The following SGMS2 variants were observed in gnomAD, a reference collection of about 807,000 sequenced individuals.
SGMS2 encodes the protein phosphatidylcholine:ceramide cholinephosphotransferase 2.
Under a neutral mutation model 43.8 loss-of-function variants are expected in SGMS2, and 21 were observed. The observed-to-expected ratio is 0.48, with a 90% CI of 0.34 to 0.69. The LOEUF (loss-of-function observed/expected upper bound fraction) is 0.69, where lower values mean the gene tolerates loss of function less well. Among genes scored for constraint, SGMS2 ranks in the 30% least tolerant of loss-of-function variants. The probability of loss-of-function intolerance (pLI) is 0.01; values close to 1 mark genes in which losing one functional copy is unlikely to be tolerated. For missense variants in SGMS2, 384 were observed against 443.2 expected, an observed-to-expected ratio of 0.87 and a Z score of 1.20; for synonymous variants, 167 against 160.6, an observed-to-expected ratio of 1.04 and a Z score of -0.30.
At chr4:107,847,325 T>TACTTATGGCTAGCCAGTTTTCC (rs1352233011) in intron 1 of SGMS2, among the ~76,000 whole-genome samples, 3 of 152,244 alleles carry the variant, frequency 2.0e-5, no homozygotes, top group Non-Finnish European at 4.4e-5. Context: ...TTCAGCTTTC[T>TACTTATGGCTAGCCAGTTTTCC]ACTTATGGCT....
intron 2 of SGMS2, chr4:107,874,002 TTTTCCAAACTCA>T (rs2126064013): frequency 6.6e-6 from 1 of 152,284 alleles, no homozygotes; most frequent in South Asian, 2.1e-4. Context: ...ATTCCTTTTC[TTTTCCAAACTCA>T]TTTCTCTCTT....
intron 2 of SGMS2, among the ~76,000 whole-genome samples, chr4:107,883,445 G>A (rs1411133939): frequency 1.3e-5 from 2 of 152,132 alleles, no homozygotes; most frequent in Middle Eastern, 3.2e-3. Context: ...CTCCCAAGTA[G>A]CTGGGACTAC....
At chr4:107,896,772 C>A in intron 3 of SGMS2, among the ~76,000 whole-genome samples, 1 of 152,124 alleles carries the variant, frequency 6.6e-6, no homozygotes, top group East Asian at 1.9e-4. Flanking sequence ...TTGGACATAG[C>A]CCTGAAGTGG....
At position 107,911,144 on chromosome 4, in the gene SGMS2, T is replaced by G. The variant is rs1732092723; in HGVS notation, c.*591T>G. On this transcript the variant is annotated 3_prime_UTR_variant, in exon 7 of 7. Coordinates refer to ENST00000690982, the MANE Select transcript of SGMS2 (RefSeq NM_001375905.1). ...CAATGCGCTACATATCACTTTTTTTTGTTTTGTTTTGTTTTGTTTTTAAAA... is the reference window on the plus strand; with the variant it reads ...CAATGCGCTACATATCACTTTTTTTGGTTTTGTTTTGTTTTGTTTTTAAAA... The G allele has an allele frequency of 6.6e-6, 1 of 152,130 alleles. No individual in the cohort carries two copies. Among genetic ancestry groups the G allele is most frequent in the African/African-American group, 2.4e-5 (1 of 41,418 alleles). The allele number at this position is 152,130 out of a possible 1,614,324, so 9.4% of individuals were successfully genotyped here.
intron 2 of SGMS2, among the ~76,000 whole-genome samples, chr4:107,881,896 A>G (rs532441512): frequency 5.5e-4 from 83 of 152,258 alleles, no homozygotes; most frequent in African/African-American, 1.5e-3. Flanking sequence ...GCTTATTTCA[A>G]TTAACATAAT....
At position 107,910,473 on chromosome 4, in the gene SGMS2, C is replaced by A. The variant is rs751161067; in HGVS notation, c.1018C>A (p.Pro340Thr). The change falls in exon 7 of 7, where the codon CCT becomes ACT. Residue 340 changes from proline to threonine, a missense_variant. Coordinates refer to ENST00000690982, the MANE Select transcript of SGMS2 (RefSeq NM_001375905.1). Reference sequence around the variant, plus strand: ...CTGCTTCTCCTGGCCGCTGTCTTGGCCTCCTGGCTGCTTCAAATCATCATG... The same window carrying A: ...CTGCTTCTCCTGGCCGCTGTCTTGGACTCCTGGCTGCTTCAAATCATCATG... ...PCCFSWPLSW[P>T]PGCFKSSCKK... The A allele has an allele frequency of 1.2e-6, 2 of 1,614,028 alleles. No individual in the cohort carries two copies. Among genetic ancestry groups the A allele is most frequent in the Admixed American group, 3.3e-5 (2 of 59,996 alleles).
At chr4:107,846,649 A>G (rs1271714316) in intron 1 of SGMS2, among the ~76,000 whole-genome samples, 1 of 151,850 alleles carries the variant, frequency 6.6e-6, no homozygotes, top group Non-Finnish European at 1.5e-5. Flanking sequence ...GGCTGGGTCC[A>G]ATGGTATTTC....
intron 1 of SGMS2, among the ~76,000 whole-genome samples, chr4:107,837,113 T>G (rs1726230771): frequency 6.6e-6 from 1 of 152,154 alleles, no homozygotes; most frequent in Non-Finnish European, 1.5e-5. Context: ...ATTTAACACT[T>G]TTTTTTGCAC....
At chr4:107,860,892 T>C (rs747185385) in intron 2 of SGMS2, among the ~76,000 whole-genome samples, 16 of 152,202 alleles carry the variant, frequency 1.1e-4, no homozygotes, top group Non-Finnish European at 2.2e-4. Context: ...GTCTGGATAT[T>C]TTGCCAATTC....
At chr4:107,889,019 T>A (rs1457761441) in intron 2 of SGMS2, among the ~76,000 whole-genome samples, 1 of 152,190 alleles carries the variant, frequency 6.6e-6, no homozygotes, top group African/African-American at 2.4e-5. Context: ...GCTTTTAGCC[T>A]CCAATCTGTC....
intron 1 of SGMS2, among the ~76,000 whole-genome samples, chr4:107,832,478 GTC>G (rs1319059430): frequency 2.0e-5 from 3 of 152,196 alleles, no homozygotes; most frequent in African/African-American, 7.2e-5. Context: ...GGGGGGTTAA[GTC>G]ACGTACTTAA....
chr4:107,893,127 A>G (rs576505058), intron 2 of SGMS2: 1 of 152,176 alleles, frequency 6.6e-6, no homozygotes, highest in African/African-American at 2.4e-5. Context: ...AGTCATTCTC[A>G]TAGCAGTCCC....
intron 2 of SGMS2, among the ~76,000 whole-genome samples, chr4:107,877,040 C>G (rs1560653713): frequency 6.6e-6 from 1 of 151,930 alleles, no homozygotes; most frequent in Non-Finnish European, 1.5e-5. Flanking sequence ...TGGCTCACAC[C>G]CATAATCCCA....
chr4:107,856,917 G>T (rs945820296), intron 1 of SGMS2, among the ~76,000 whole-genome samples: 1 of 152,102 alleles, frequency 6.6e-6, no homozygotes, highest in Non-Finnish European at 1.5e-5. Flanking sequence ...GTACAAATCA[G>T]TAGTTTTTGG....
intron 1 of SGMS2, among the ~76,000 whole-genome samples, chr4:107,842,361 C>T (rs753648845): frequency 3.9e-5 from 6 of 152,028 alleles, no homozygotes; most frequent in South Asian, 2.1e-4. Context: ...ATGGCTAGAG[C>T]GGGAGCAAGA....
In SGMS2 at chr4:107,913,035, G is replaced by T. The variant is rs1376470011; in HGVS notation, c.*2482G>T. ...TGCCACTTTGATATAAAACAAGTAT[G>T]ATATATATATAAACTGAAGATATAA... is the stretch of plus-strand genomic sequence containing the variant. On this transcript the variant is annotated 3_prime_UTR_variant, in exon 7 of 7. Coordinates refer to ENST00000690982, the MANE Select transcript of SGMS2 (RefSeq NM_001375905.1). 1 of 152,020 alleles carries T rather than the reference G, an allele frequency of 6.6e-6. No homozygotes were observed. The highest frequency in any genetic ancestry group is 1.9e-4 in the East Asian group (1 of 5,182). The allele number at this position is 152,020 out of a possible 1,614,324, so 9.4% of individuals were successfully genotyped here.
intron 1 of SGMS2, among the ~76,000 whole-genome samples, chr4:107,839,320 A>G (rs1161660353): frequency 1.3e-5 from 2 of 151,948 alleles, no homozygotes; most frequent in African/African-American, 2.4e-5. Flanking sequence ...CTTTTTAACA[A>G]CTTCCCCCTG....
intron 1 of SGMS2, among the ~76,000 whole-genome samples, chr4:107,847,448 G>C (rs939075201): frequency 6.6e-6 from 1 of 151,744 alleles, no homozygotes; most frequent in African/African-American, 2.4e-5. Flanking sequence ...ATTTCTGAGG[G>C]CTCTGTTCTG....
At chr4:107,891,524 A>G (rs78097090) in intron 2 of SGMS2, among the ~76,000 whole-genome samples, 1 of 152,082 alleles carries the variant, frequency 6.6e-6, no homozygotes, top group African/African-American at 2.4e-5. Flanking sequence ...CCTGAGGTTC[A>G]TTGTCTCATG....
Sources: gnomAD v4.1 joint callset for allele counts (sites outside exome capture counted in the v4.1 genomes callset) on GRCh38, gnomAD v4.1.1 for gene constraint, MANE v1.5 for transcripts, NCBI Gene and HGNC (gene_info 2026-07-23, HGNC 2026-07-21) for gene names.